SEC31A: variants seen among roughly 807,000 people sequenced by gnomAD.
The protein encoded by SEC31A is protein transport protein Sec31A.
Under a neutral mutation model 151.0 loss-of-function variants are expected in SEC31A, and 70 were observed. The observed-to-expected ratio is 0.46, with a 90% CI of 0.38 to 0.57. The LOEUF (loss-of-function observed/expected upper bound fraction) is 0.57, where lower values mean the gene tolerates loss of function less well. SEC31A is among the 20% of genes least tolerant of loss of function. The pLI is 0.00. For missense variants in SEC31A, 1,330 were observed against 1,471.2 expected (o/e 0.90, Z 1.57); for synonymous variants, 475 against 505.9 (o/e 0.94, Z 0.82).
intron 2 of SEC31A, 31 bp downstream of exon 2, chr4:82,881,827 A>T (rs1169924597): frequency 6.6e-7 from 1 of 1,519,166 alleles, no homozygotes; most frequent in Non-Finnish European, 9.1e-7. Context: ...AAATTAGGTA[A>T]CTCATACTAT....
chr4:82,880,147 C>T (rs1738943177), intron 3 of SEC31A, among the ~76,000 whole-genome samples: 1 of 151,482 alleles, frequency 6.6e-6, no homozygotes, highest in Non-Finnish European at 1.5e-5. Flanking sequence ...TGCGCCATTG[C>T]ACTCCAGCCT....
chr4:82,870,615 T>C (rs1347172473), intron 7 of SEC31A, among the ~76,000 whole-genome samples, 191 bp from the exon 8 acceptor site: 1 of 152,084 alleles, frequency 6.6e-6, no homozygotes, highest in Non-Finnish European at 1.5e-5. Flanking sequence ...GGAGAATCAC[T>C]TGAACCTGGG....
chr4:82,891,173 G>A (rs1221783187), upstream of SEC31A: 6 of 1,535,134 alleles, frequency 3.9e-6, no homozygotes, highest in South Asian at 1.2e-5. Flanking sequence ...CCTCCTCCCC[G>A]GCCAGGGCCA....
chr4:82,834,983 T>C (rs1726865990), intron 22 of SEC31A, among the ~76,000 whole-genome samples: 1 of 152,152 alleles, frequency 6.6e-6, no homozygotes, highest in Non-Finnish European at 1.5e-5. Context: ...GTAGCTGGAA[T>C]TACAGGTGCT....
At chr4:82,819,726 C>T (rs1261492405) in intron 26 of SEC31A, among the ~76,000 whole-genome samples, 4 of 152,036 alleles carry the variant, frequency 2.6e-5, no homozygotes, top group Admixed American at 2.6e-4. Flanking sequence ...TATGTCATTA[C>T]TTGGCATAGG....
intron 25 of SEC31A, 138 bp from the exon 26 acceptor site, chr4:82,821,246 T>C: frequency 1.4e-6 from 1 of 695,268 alleles, no homozygotes; most frequent in South Asian, 1.7e-5. Flanking sequence ...CAACTACAAC[T>C]AAGAAACTTG....
chr4:82,857,802 A>C (rs1393837158), intron 14 of SEC31A, 38 bp from the exon 15 acceptor site: 1 of 1,311,562 alleles, frequency 7.6e-7, no homozygotes, highest in Admixed American at 1.8e-5. Context: ...AGCCAGAATA[A>C]AACTGTGGAA....
chr4:82,898,983 G>A (rs1024651475), intron 3 of SEC31A, among the ~76,000 whole-genome samples: 8 of 152,026 alleles, frequency 5.3e-5, no homozygotes, highest in Non-Finnish European at 1.0e-4. Context: ...ACTGTTGAAC[G>A]GATAAACAAA....
intron 22 of SEC31A, among the ~76,000 whole-genome samples, chr4:82,834,332 C>T (rs963842632): frequency 2.0e-5 from 3 of 152,202 alleles, no homozygotes; most frequent in Non-Finnish European, 4.4e-5. Context: ...CTTCCCCTTC[C>T]TCATGAGAAG....
intron 16 of SEC31A, among the ~76,000 whole-genome samples, chr4:82,855,540 C>A (rs1251932445): frequency 2.6e-5 from 4 of 152,142 alleles, no homozygotes; most frequent in East Asian, 1.9e-4. Context: ...AATACTGGTA[C>A]AACTTTTATG....
At chr4:82,830,413 T>C (rs1482101823) in intron 22 of SEC31A, among the ~76,000 whole-genome samples, 1 of 152,126 alleles carries the variant, frequency 6.6e-6, no homozygotes, top group Non-Finnish European at 1.5e-5. Flanking sequence ...TGAACCAAGA[T>C]TGTGTCACTG....
chr4:82,833,392 C>G (rs972549873), intron 22 of SEC31A, among the ~76,000 whole-genome samples: 1 of 152,038 alleles, frequency 6.6e-6, no homozygotes, highest in African/African-American at 2.4e-5. Flanking sequence ...ACATCACACA[C>G]TGGGGCCTGT....
At chr4:82,868,418 T>C (rs4693524) in intron 8 of SEC31A, among the ~76,000 whole-genome samples, 144,778 of 152,010 alleles carry the variant, frequency 0.95, 69,312 homozygotes, top group East Asian at 1. Flanking sequence ...GGAGGACTGA[T>C]GGAGCCCAAG....
chr4:82,899,521 A>T (rs1420055613), intron 3 of SEC31A: 1 of 152,186 alleles, frequency 6.6e-6, no homozygotes, highest in Non-Finnish European at 1.5e-5. Context: ...TCCAGTTCTT[A>T]CTCTCTGCAC....
intron 15 of SEC31A, among the ~76,000 whole-genome samples, chr4:82,857,382 G>C (rs941916685): frequency 7.2e-5 from 11 of 152,112 alleles, no homozygotes; most frequent in Admixed American, 6.5e-4. Context: ...AGATCACCTA[G>C]GTGTCTGAAC....
chr4:82,845,840 C>T (rs1431426526), intron 20 of SEC31A, among the ~76,000 whole-genome samples: 1 of 152,062 alleles, frequency 6.6e-6, no homozygotes, highest in African/African-American at 2.4e-5. Context: ...TAAAGATCTT[C>T]CAGTCTAATC....
chr4:82,880,949 A>G (rs756904507), intron 2 of SEC31A, 27 bp from the exon 3 acceptor site: 1 of 1,559,550 alleles, frequency 6.4e-7, no homozygotes, highest in East Asian at 2.2e-5. Flanking sequence ...TATGGTAACT[A>G]TACACACAAA....
chr4:82,825,779 A>G (rs1219740987), intron 24 of SEC31A, among the ~76,000 whole-genome samples: 2 of 152,236 alleles, frequency 1.3e-5, no homozygotes, highest in Admixed American at 1.3e-4. Flanking sequence ...GCACTGATGA[A>G]GATTAGAGAT....
intron 4 of SEC31A, among the ~76,000 whole-genome samples, chr4:82,877,007 GCAGA>G (rs1738118451): frequency 6.6e-6 from 1 of 152,068 alleles, no homozygotes; most frequent in Admixed American, 6.6e-5. Flanking sequence ...GGAGGCTGAG[GCAGA>G]CAGACCACTT....
Sources: gnomAD v4.1 joint callset for allele counts (sites outside exome capture counted in the v4.1 genomes callset) on GRCh38, gnomAD v4.1.1 for gene constraint, MANE v1.5 for transcripts, NCBI Gene and HGNC (gene_info 2026-07-23, HGNC 2026-07-21) for gene names.